BMPER: variants seen among roughly 807,000 people sequenced by gnomAD.
BMPER encodes the protein BMP-binding endothelial regulator protein.
A neutral mutation model predicts 87.3 loss-of-function variants in BMPER; 45 were observed. The ratio of observed to expected loss-of-function variants is 0.52; its 90% CI spans 0.41 to 0.66. The LOEUF (loss-of-function observed/expected upper bound fraction) is 0.66. Among genes scored for constraint, BMPER ranks in the 30% least tolerant of loss-of-function variants. The probability of loss-of-function intolerance (pLI) is 0.00; values close to 1 mark genes in which losing one functional copy is unlikely to be tolerated. For missense variants in BMPER, 784 were observed against 867.5 expected (o/e 0.90, Z 1.21); for synonymous variants, 326 against 316.2 (o/e 1.03, Z -0.33).
At chr7:34,039,540 TG>T (rs1787774961) in intron 6 of BMPER, among the ~76,000 whole-genome samples, 2 of 151,692 alleles carry the variant, frequency 1.3e-5, no homozygotes, top group South Asian at 4.2e-4. Context: ...AATAATCACC[TG>T]ACCCCAAATG....
At chr7:34,077,832 C>T (rs1349001412) in intron 11 of BMPER, among the ~76,000 whole-genome samples, 1 of 152,128 alleles carries the variant, frequency 6.6e-6, no homozygotes, top group Admixed American at 6.5e-5. Flanking sequence ...ATGACATTCT[C>T]ATATTCTTGA....
chr7:34,104,796 G>T (rs1789777168), intron 13 of BMPER, among the ~76,000 whole-genome samples: 1 of 152,130 alleles, frequency 6.6e-6, no homozygotes, highest in Non-Finnish European at 1.5e-5. Flanking sequence ...TCCATTGCCT[G>T]GGTGAGAGAA....
chr7:33,935,484 G>A (rs147665436), intron 2 of BMPER, among the ~76,000 whole-genome samples: 1 of 152,236 alleles, frequency 6.6e-6, no homozygotes, highest in East Asian at 1.9e-4. Flanking sequence ...GTTGTAATGT[G>A]CAGCTAAGGA....
chr7:34,074,232 T>C (rs1231522425), intron 11 of BMPER, among the ~76,000 whole-genome samples: 1 of 152,256 alleles, frequency 6.6e-6, no homozygotes, highest in African/African-American at 2.4e-5. Flanking sequence ...GACCTACTCC[T>C]CTCTTTTCCA....
intron 6 of BMPER, among the ~76,000 whole-genome samples, chr7:34,011,426 A>C (rs1015361376): frequency 2.0e-5 from 3 of 151,766 alleles, no homozygotes; most frequent in Non-Finnish European, 4.4e-5. Context: ...GGAAGGAAAT[A>C]AAAAGCATAT....
At chr7:34,038,491 G>A (rs1422180038) in intron 6 of BMPER, among the ~76,000 whole-genome samples, 1 of 152,186 alleles carries the variant, frequency 6.6e-6, no homozygotes, top group African/African-American at 2.4e-5. Context: ...GAAAATAAGT[G>A]TGTGTTGTTT....
intron 12 of BMPER, among the ~76,000 whole-genome samples, chr7:34,079,401 T>A (rs1379305414): frequency 1.3e-5 from 2 of 152,332 alleles, no homozygotes; most frequent in African/African-American, 4.8e-5. Context: ...TCGGACCGTA[T>A]GGAGTCTTGC....
intron 13 of BMPER, among the ~76,000 whole-genome samples, chr7:34,109,801 A>G (rs1318724171): frequency 6.6e-6 from 1 of 152,258 alleles, no homozygotes; most frequent in African/African-American, 2.4e-5. Context: ...TAAGTATGTC[A>G]GCACTTAAAA....
chr7:34,082,528 G>A (rs1268568422), intron 12 of BMPER, among the ~76,000 whole-genome samples: 1 of 151,994 alleles, frequency 6.6e-6, no homozygotes, highest in Admixed American at 6.6e-5. Flanking sequence ...TGTAATAATG[G>A]CAAGGAGAAA....
chr7:34,104,174 C>A (rs556654339), intron 13 of BMPER, among the ~76,000 whole-genome samples: 1 of 152,298 alleles, frequency 6.6e-6, no homozygotes, highest in Non-Finnish European at 1.5e-5. Flanking sequence ...TTCTAGAAGC[C>A]TTTTCTCCAG....
At chr7:33,920,958 A>G (rs1001701226) in intron 2 of BMPER, among the ~76,000 whole-genome samples, 5 of 152,212 alleles carry the variant, frequency 3.3e-5, no homozygotes, top group Non-Finnish European at 7.3e-5. Flanking sequence ...GAACTTTTAC[A>G]CAATTATCTT....
chr7:34,151,609 C>T (rs1274391939), intron 14 of BMPER, among the ~76,000 whole-genome samples: 1 of 152,184 alleles, frequency 6.6e-6, no homozygotes, highest in Non-Finnish European at 1.5e-5. Context: ...GCTACTAACT[C>T]ATCCCTCTGC....
At chr7:34,061,041 C>G (rs904808298) in intron 10 of BMPER, among the ~76,000 whole-genome samples, 1 of 152,162 alleles carries the variant, frequency 6.6e-6, no homozygotes, top group Non-Finnish European at 1.5e-5. Context: ...AAGGGAAATA[C>G]TCAGCTCATA....
In BMPER at chr7:33,973,923, G is replaced by A. The variant is rs73690115; in HGVS notation, c.494-779G>A. 2.8e-3 allele frequency among the ~76,000 whole-genome samples: 421 copies of A among 152,196 alleles called. 4 individuals are homozygous for A. The highest frequency in any genetic ancestry group is 9.4e-3 in the African/African-American group (390 of 41,532). On this transcript the variant is annotated intron_variant, in intron 5 of 14. Coordinates refer to ENST00000649409, the MANE Select transcript of BMPER (RefSeq NM_001365308.1). ...TCTTTGGAATCTGGCAGTGTCCTGGGCATCTTTCTGAATAGGGAACACCTC... is the reference window on the plus strand; with the variant it reads ...TCTTTGGAATCTGGCAGTGTCCTGGACATCTTTCTGAATAGGGAACACCTC...
At chr7:33,950,032 A>C (rs1863761) in intron 3 of BMPER, among the ~76,000 whole-genome samples, 41,099 of 152,152 alleles carry the variant, frequency 0.27, 5,621 homozygotes, top group Middle Eastern at 0.42. Flanking sequence ...TTCCTTGTCA[A>C]ATTTATCTCA....
chr7:33,966,946 TAGAA>T (rs573054236), intron 4 of BMPER, among the ~76,000 whole-genome samples: 150 of 152,330 alleles, frequency 9.8e-4, no homozygotes, highest in Non-Finnish European at 1.9e-3. Context: ...TTCTTTGATT[TAGAA>T]AGATTTTGAA....
intron 13 of BMPER, among the ~76,000 whole-genome samples, chr7:34,118,013 C>T (rs1435486434): frequency 6.6e-6 from 1 of 152,096 alleles, no homozygotes; most frequent in Non-Finnish European, 1.5e-5. Flanking sequence ...TTTATTTATT[C>T]CATTTCATTA....
intron 2 of BMPER, among the ~76,000 whole-genome samples, chr7:33,925,062 G>A (rs934682754): frequency 9.9e-5 from 15 of 152,198 alleles, no homozygotes; most frequent in African/African-American, 3.6e-4. Flanking sequence ...TAGTGCCCAT[G>A]AGATCATGCG....
In BMPER at chr7:34,153,135, G is replaced by C. The variant is rs138208962; in HGVS notation, c.1920G>C (p.Pro640=). The stretch of plus-strand genomic sequence containing the variant: ...GTGCTGTGTACGATACCTGTGGTCC[G>C]GGATGTATCAAGACGTGTGACAACT... ...KHGAVYDTCG[P]GCIKTCDNWN... Residue 640 remains proline, a synonymous_variant, in exon 15 of 15, where the codon CCG becomes CCC. Coordinates refer to ENST00000649409, the MANE Select transcript of BMPER (RefSeq NM_001365308.1). 3.7e-6 allele frequency: 6 copies of C among 1,613,920 alleles called. No homozygotes were observed. The African/African-American group carries it at 8.0e-5, about 22-fold the overall frequency.
Sources: allele counts gnomAD v4.1 joint callset (sites outside exome capture counted in the v4.1 genomes callset), GRCh38; gene constraint gnomAD v4.1.1; transcripts MANE v1.5; gene names NCBI Gene and HGNC (gene_info 2026-07-23, HGNC 2026-07-21).